The following CSMD3 variants were observed in gnomAD, a reference collection of about 807,000 sequenced individuals.
The protein encoded by CSMD3 is CUB and sushi domain-containing protein 3.
In CSMD3, 177 loss-of-function variants were observed where a neutral mutation model predicts 435.2. The ratio of observed to expected loss-of-function variants is 0.41; its 90% CI spans 0.36 to 0.46. The LOEUF (loss-of-function observed/expected upper bound fraction) is 0.46. CSMD3 is among the 20% of genes least tolerant of loss of function. The probability of loss-of-function intolerance (pLI) is 0.34; values close to 1 mark genes in which losing one functional copy is unlikely to be tolerated. For missense variants in CSMD3, 4,265 were observed against 4,504.6 expected, an observed-to-expected ratio of 0.95 and a Z score of 1.52; for synonymous variants, 1,656 against 1,520.5, an observed-to-expected ratio of 1.09 and a Z score of -2.07.
At chr8:113,252,862 A>T (rs1357770723) in intron 3 of CSMD3, among the ~76,000 whole-genome samples, 1 of 152,122 alleles carries the variant, frequency 6.6e-6, no homozygotes, top group Admixed American at 6.6e-5. Context: ...TCACATCAAG[A>T]TATTATGGAA....
intron 23 of CSMD3, among the ~76,000 whole-genome samples, chr8:112,582,126 C>A (rs749161556): frequency 4.6e-5 from 7 of 151,972 alleles, no homozygotes; most frequent in East Asian, 3.9e-4. Context: ...TGGTTTAGCA[C>A]CATCCCATTG....
chr8:112,370,023 GGAAGAAGAAGAAGAAGAAGAAGAA>G (rs71309767), intron 38 of CSMD3, among the ~76,000 whole-genome samples: 44 of 66,596 alleles, frequency 6.6e-4, no homozygotes, highest in Admixed American at 3.6e-3. Context: ...AAGAAGAAGA[GGAAGAAGAAGAAGAAGAAGAAGAA>G]GAAGAAGAAG....
chr8:112,950,063 AT>A (rs528019101), intron 8 of CSMD3, among the ~76,000 whole-genome samples: 236 of 152,130 alleles, frequency 1.6e-3, no homozygotes, highest in African/African-American at 5.6e-3. Flanking sequence ...TTAATTTAAA[AT>A]TATCTTAATA....
chr8:112,487,871 G>T (rs10106219), intron 31 of CSMD3, among the ~76,000 whole-genome samples: 1,835 of 152,216 alleles, frequency 0.012, 39 homozygotes, highest in African/African-American at 0.042. Flanking sequence ...AATGATATAT[G>T]ACTTCTACTT....
At chr8:112,712,382 T>G (rs1382898317) in intron 13 of CSMD3, among the ~76,000 whole-genome samples, 1 of 152,204 alleles carries the variant, frequency 6.6e-6, no homozygotes, top group Admixed American at 6.5e-5. Flanking sequence ...TAAACAGATC[T>G]TTTTACCGTG....
chr8:112,518,763 C>A (rs1329637181), intron 27 of CSMD3, among the ~76,000 whole-genome samples: 1 of 151,700 alleles, frequency 6.6e-6, no homozygotes, highest in Non-Finnish European at 1.5e-5. Flanking sequence ...TAAATAACTA[C>A]CTGGGAATGG....
At chr8:112,408,553 C>T (rs1832057747) in intron 33 of CSMD3, 140 bp from the exon 34 acceptor site, 2 of 698,370 alleles carry the variant, frequency 2.9e-6, no homozygotes, top group South Asian at 1.6e-5. Context: ...CCTACAACTA[C>T]CAATATATTT....
chr8:112,792,778 C>T (rs990035115), intron 13 of CSMD3, among the ~76,000 whole-genome samples: 4 of 151,996 alleles, frequency 2.6e-5, no homozygotes, highest in Admixed American at 6.6e-5. Flanking sequence ...TGTTTCTGCA[C>T]CATTTAAAAA....
At chr8:112,249,292 T>C (rs1563686942) in intron 63 of CSMD3, among the ~76,000 whole-genome samples, 1 of 152,052 alleles carries the variant, frequency 6.6e-6, no homozygotes, top group Non-Finnish European at 1.5e-5. Context: ...TACTCCCCAA[T>C]ATCTTTTCCA....
chr8:112,497,263 T>C (rs150826121), intron 30 of CSMD3, among the ~76,000 whole-genome samples: 3 of 152,128 alleles, frequency 2.0e-5, no homozygotes, highest in African/African-American at 7.2e-5. Context: ...AAAACAAAGT[T>C]AGATAGAATG....
chr8:112,750,656 C>A (rs981758460), intron 13 of CSMD3, among the ~76,000 whole-genome samples: 1 of 151,930 alleles, frequency 6.6e-6, no homozygotes, highest in Non-Finnish European at 1.5e-5. Context: ...GTAAAAAGGC[C>A]AGTTTGGCTG....
chr8:113,355,149 A>G (rs748530556), intron 1 of CSMD3, among the ~76,000 whole-genome samples: 23 of 152,210 alleles, frequency 1.5e-4, no homozygotes, highest in Admixed American at 7.2e-4. Flanking sequence ...ATACAGTTTT[A>G]AGTGTATGTG....
chr8:112,716,713 G>C (rs1283289765), intron 13 of CSMD3, among the ~76,000 whole-genome samples: 2 of 152,074 alleles, frequency 1.3e-5, no homozygotes, highest in African/African-American at 4.8e-5. Context: ...GCATAGTACA[G>C]GTACCAAAAC....
At chr8:112,545,150 C>T (rs938006207) in intron 27 of CSMD3, among the ~76,000 whole-genome samples, 1 of 152,090 alleles carries the variant, frequency 6.6e-6, no homozygotes, top group African/African-American at 2.4e-5. Flanking sequence ...TGTAGCATAA[C>T]TATCTGTTAT....
chr8:112,387,435 T>C (rs1294476567), intron 36 of CSMD3, among the ~76,000 whole-genome samples: 1 of 151,304 alleles, frequency 6.6e-6, no homozygotes, highest in Non-Finnish European at 1.5e-5. Flanking sequence ...TAGGTAAATT[T>C]AATGAAGTTT....
intron 3 of CSMD3, among the ~76,000 whole-genome samples, chr8:113,227,071 T>G (rs1203661655): frequency 6.6e-6 from 1 of 151,574 alleles, no homozygotes; most frequent in East Asian, 1.9e-4. Flanking sequence ...CAAAAGGACT[T>G]GCTCTTGTTC....
At chr8:113,163,059 CCAT>C (rs906452422) in intron 4 of CSMD3, among the ~76,000 whole-genome samples, 3 of 152,186 alleles carry the variant, frequency 2.0e-5, no homozygotes, top group Admixed American at 6.6e-5. Context: ...GACCTCTTCT[CCAT>C]CATCATTCAA....
At chr8:112,561,764 T>C (rs1405512994) in intron 24 of CSMD3, among the ~76,000 whole-genome samples, 2 of 151,740 alleles carry the variant, frequency 1.3e-5, no homozygotes, top group East Asian at 3.9e-4. Flanking sequence ...GAGCAATATA[T>C]AGTGTTTTGC....
intron 11 of CSMD3, among the ~76,000 whole-genome samples, chr8:112,839,593 C>A (rs143480367): frequency 6.6e-6 from 1 of 151,510 alleles, no homozygotes; most frequent in South Asian, 2.1e-4. Flanking sequence ...TAAGTTAGGT[C>A]GTATATATCC....
Sources: gnomAD v4.1 joint callset for allele counts (sites outside exome capture counted in the v4.1 genomes callset) on GRCh38, gnomAD v4.1.1 for gene constraint, MANE v1.5 for transcripts, NCBI Gene and HGNC (gene_info 2026-07-23, HGNC 2026-07-21) for gene names.